Variants in FBP2 observed in about 807,000 individuals in gnomAD.
FBP2 encodes fructose-1,6-bisphosphatase isozyme 2.
Under a neutral mutation model 31.6 loss-of-function variants are expected in FBP2, and 27 were observed. The observed-to-expected ratio is 0.85, with a 90% CI of 0.63 to 1.18. The LOEUF (loss-of-function observed/expected upper bound fraction) is 1.18. Ranked by LOEUF, FBP2 falls within the 50% of genes most tolerant of loss-of-function variation. The pLI is 0.00. For missense variants in FBP2, 421 were observed against 436.1 expected, an observed-to-expected ratio of 0.97 and a Z score of 0.31; for synonymous variants, 168 against 179.8, an observed-to-expected ratio of 0.93 and a Z score of 0.53.
chr9:94,566,360 G>A (rs865802805), intron 5 of FBP2, among the ~76,000 whole-genome samples: 1 of 152,328 alleles, frequency 6.6e-6, no homozygotes, highest in Middle Eastern at 3.4e-3. Context: ...GTGGAAAACC[G>A]CTTAAAGGCA....
chr9:94,562,179 C>G (rs1425498634), intron 6 of FBP2, among the ~76,000 whole-genome samples: 1 of 151,822 alleles, frequency 6.6e-6, no homozygotes, highest in Non-Finnish European at 1.5e-5. Context: ...GGCGTGGTGG[C>G]GGGCGCCTGT....
At chr9:94,564,360 T>A (rs1448711163) in intron 5 of FBP2, among the ~76,000 whole-genome samples, 2 of 152,166 alleles carry the variant, frequency 1.3e-5, no homozygotes, top group Non-Finnish European at 2.9e-5. Context: ...CACATGCACA[T>A]GTATGTTCAC....
chr9:94,589,283 C>T (rs759068926), intron 1 of FBP2, among the ~76,000 whole-genome samples: 4 of 152,226 alleles, frequency 2.6e-5, no homozygotes. Flanking sequence ...TGGTCCTTCT[C>T]GCCTTCACTA....
At chr9:94,559,645 T>C (rs891686058) in intron 6 of FBP2, among the ~76,000 whole-genome samples, 2 of 152,186 alleles carry the variant, frequency 1.3e-5, no homozygotes, top group Admixed American at 1.3e-4. Flanking sequence ...CTTGTCTAAC[T>C]AGTTTGCCGG....
At chr9:94,562,111 A>T (rs1028626456) in intron 6 of FBP2, among the ~76,000 whole-genome samples, 2 of 152,066 alleles carry the variant, frequency 1.3e-5, no homozygotes, top group East Asian at 1.9e-4. Context: ...GGAGATCGAG[A>T]CCATCCTGGC....
At chr9:94,582,893 T>C (rs1827388407) in intron 3 of FBP2, among the ~76,000 whole-genome samples, 1 of 140,742 alleles carries the variant, frequency 7.1e-6, no homozygotes, top group Non-Finnish European at 1.5e-5. Context: ...TCACTCTTGT[T>C]GCCCAGGCTG....
chr9:94,586,050 C>T (rs1213531757), intron 2 of FBP2, among the ~76,000 whole-genome samples: 5 of 152,050 alleles, frequency 3.3e-5, no homozygotes, highest in Admixed American at 6.6e-5. Flanking sequence ...GAAGAATTTT[C>T]GACAGAGAGA....
chr9:94,579,580 C>T (rs1471830120), intron 3 of FBP2, among the ~76,000 whole-genome samples: 4 of 151,938 alleles, frequency 2.6e-5, no homozygotes, highest in Non-Finnish European at 5.9e-5. Flanking sequence ...ATTAAGTTAC[C>T]TATAATTAAA....
At chr9:94,569,395 G>C (rs1015604887) in intron 4 of FBP2, 2 of 152,220 alleles carry the variant, frequency 1.3e-5, no homozygotes, top group African/African-American at 4.8e-5. Flanking sequence ...TTGAGCCGGG[G>C]TCAATTTTGC....
At chr9:94,580,389 G>A (rs758717870) in intron 3 of FBP2, among the ~76,000 whole-genome samples, 10 of 152,084 alleles carry the variant, frequency 6.6e-5, no homozygotes, top group South Asian at 2.1e-4. Context: ...GCTAATTTTT[G>A]TATTTTTAGC....
At chr9:94,591,713 G>A (rs1172448297) in intron 1 of FBP2, among the ~76,000 whole-genome samples, 3 of 152,144 alleles carry the variant, frequency 2.0e-5, no homozygotes, top group Non-Finnish European at 4.4e-5. Context: ...CGTGTCTTAC[G>A]GGGCCGGCAC....
At chr9:94,592,057 C>T (rs1440036895) in intron 1 of FBP2, among the ~76,000 whole-genome samples, 3 of 152,124 alleles carry the variant, frequency 2.0e-5, no homozygotes, top group African/African-American at 7.2e-5. Context: ...CTCAGGCAAC[C>T]GCATTGAGGA....
At chr9:94,563,306 G>A (rs1397787998) in intron 6 of FBP2, 36 bp downstream of exon 6, 1 of 1,608,440 alleles carries the variant, frequency 6.2e-7, no homozygotes, top group Admixed American at 1.7e-5. Flanking sequence ...CCACCTCCCT[G>A]ACCGGATGCA....
intron 4 of FBP2, chr9:94,569,015 C>T (rs1827234919): frequency 6.6e-6 from 1 of 152,282 alleles, no homozygotes; most frequent in Admixed American, 6.5e-5. Flanking sequence ...ATTACAGGTG[C>T]ACGAGTGATG....
intron 6 of FBP2, among the ~76,000 whole-genome samples, chr9:94,561,600 C>T (rs62578748): frequency 0.4 from 61,346 of 151,744 alleles, 13,865 homozygotes; most frequent in Admixed American, 0.52. Flanking sequence ...CTTCTGACCT[C>T]GTGATCCACC....
chr9:94,561,122 A>T (rs915493818), intron 6 of FBP2, among the ~76,000 whole-genome samples: 2 of 152,074 alleles, frequency 1.3e-5, no homozygotes, highest in South Asian at 2.1e-4. Context: ...CTCCCCTTTT[A>T]TGTGGGGGAT....
intron 4 of FBP2, 41 bp downstream of exon 4, chr9:94,571,421 T>A: frequency 6.5e-7 from 1 of 1,548,326 alleles, no homozygotes; most frequent in South Asian, 1.2e-5. Flanking sequence ...CAGAGGCCCA[T>A]GGAGTCCCCA....
At chr9:94,562,093 C>T (rs1022121271) in intron 6 of FBP2, among the ~76,000 whole-genome samples, 12 of 151,992 alleles carry the variant, frequency 7.9e-5, no homozygotes, top group South Asian at 2.1e-4. Flanking sequence ...GGGCGGATCA[C>T]GAGGTCAGGA....
At chr9:94,592,459 T>A (rs1216058008) in intron 1 of FBP2, among the ~76,000 whole-genome samples, 1 of 152,196 alleles carries the variant, frequency 6.6e-6, no homozygotes, top group Non-Finnish European at 1.5e-5. Flanking sequence ...CCCCAAAATA[T>A]GTGTTCCTTC....
Sources: allele counts gnomAD v4.1 joint callset (sites outside exome capture counted in the v4.1 genomes callset), GRCh38; gene constraint gnomAD v4.1.1; transcripts MANE v1.5; gene names NCBI Gene and HGNC (gene_info 2026-07-23, HGNC 2026-07-21).